Variants in FBXO10 observed in about 807,000 individuals in gnomAD.
The protein encoded by FBXO10 is F-box protein 10.
FBXO10 carries 39 observed loss-of-function variants against 80.7 expected under a neutral mutation model. That is an observed-to-expected ratio of 0.48 (90% CI 0.37 to 0.63). FBXO10 has a LOEUF of 0.63. Among genes scored for constraint, FBXO10 ranks in the 30% least tolerant of loss-of-function variants. The pLI, the probability that FBXO10 is intolerant of heterozygous loss-of-function variation, is 0.00. For missense variants in FBXO10, 1,025 were observed against 1,269.0 expected, an observed-to-expected ratio of 0.81 and a Z score of 2.92; for synonymous variants, 449 against 489.6, an observed-to-expected ratio of 0.92 and a Z score of 1.09.
At chr9:37,520,531 T>C (rs544333898) in intron 8 of FBXO10, among the ~76,000 whole-genome samples, 56 of 143,530 alleles carry the variant, frequency 3.9e-4, no homozygotes, top group Non-Finnish European at 4.9e-4. Flanking sequence ...TCTTTTTTTT[T>C]TTTTTTTTTT....
intron 8 of FBXO10, among the ~76,000 whole-genome samples, chr9:37,519,160 C>T (rs986477572): frequency 3.9e-5 from 6 of 152,190 alleles, no homozygotes; most frequent in African/African-American, 1.4e-4. Flanking sequence ...CCACCTGCCT[C>T]GGCCTCCCAA....
chr9:37,561,854 G>A (rs1454415531), intron 1 of FBXO10, among the ~76,000 whole-genome samples: 1 of 152,236 alleles, frequency 6.6e-6, no homozygotes, highest in African/African-American at 2.4e-5. Flanking sequence ...GGTTGTCAAG[G>A]AAGGTCTCTG....
chr9:37,544,678 T>C (rs1822007496), intron 1 of FBXO10, among the ~76,000 whole-genome samples: 1 of 152,126 alleles, frequency 6.6e-6, no homozygotes, highest in Non-Finnish European at 1.5e-5. Flanking sequence ...TCTTCTCTAA[T>C]GATCACCAGC....
At chr9:37,560,292 C>A (rs1354342079) in intron 1 of FBXO10, among the ~76,000 whole-genome samples, 5 of 152,130 alleles carry the variant, frequency 3.3e-5, no homozygotes, top group Non-Finnish European at 7.4e-5. Flanking sequence ...GGATTTGGGG[C>A]CAAGCCACCT....
chr9:37,517,443 C>T (rs145282881), intron 9 of FBXO10, among the ~76,000 whole-genome samples: 27 of 139,282 alleles, frequency 1.9e-4, no homozygotes, highest in Non-Finnish European at 1.8e-4. Context: ...TGAAACGGAG[C>T]TCTGCATAGA....
rs762695249 is a variant in FBXO10 at position 37,521,550 on chromosome 9, G to A, written c.2200+19C>T. ...AGCCATGGAAGGTTCTTGAGCAGGG[G>A]CTGAGGGGGTATACTCACCTCCATT... On this transcript the variant is annotated intron_variant, in intron 8 of 10. Transcript: ENST00000432825. 4.5e-6 allele frequency: 7 copies of A among 1,570,382 alleles called. No individual in the cohort carries two copies. In the Admixed American group the frequency reaches 1.2e-4, roughly 27 times the overall value.
intron 1 of FBXO10, among the ~76,000 whole-genome samples, chr9:37,552,501 G>T (rs900722010): frequency 6.6e-6 from 1 of 152,070 alleles, no homozygotes; most frequent in African/African-American, 2.4e-5. Context: ...GGCTGACACG[G>T]TGAAACCCCG....
chr9:37,552,079 G>T (rs1225257388), intron 1 of FBXO10, among the ~76,000 whole-genome samples: 1 of 152,166 alleles, frequency 6.6e-6, no homozygotes, highest in Non-Finnish European at 1.5e-5. Flanking sequence ...TTCTGTCTGA[G>T]ACCTCATCAG....
chr9:37,573,058 C>T (rs1822800493), intron 1 of FBXO10, among the ~76,000 whole-genome samples: 1 of 152,032 alleles, frequency 6.6e-6, no homozygotes, highest in African/African-American at 2.4e-5. Flanking sequence ...GAGTAGGCAC[C>T]CAAAGTCCTG....
chr9:37,530,180 T>C (rs1436957468), intron 4 of FBXO10, among the ~76,000 whole-genome samples: 1 of 152,254 alleles, frequency 6.6e-6, no homozygotes, highest in African/African-American at 2.4e-5. Flanking sequence ...AGTCCAATTC[T>C]ATACTTTGTA....
At chr9:37,576,168 G>C (rs1422557169) in intron 1 of FBXO10, 43 bp downstream of exon 1, 1 of 152,234 alleles carries the variant, frequency 6.6e-6, no homozygotes, top group Non-Finnish European at 1.5e-5. Context: ...CCCTCCCCCG[G>C]CCGCCCAAGT....
chr9:37,562,536 T>A (rs1373999364), intron 1 of FBXO10, among the ~76,000 whole-genome samples: 1 of 152,176 alleles, frequency 6.6e-6, no homozygotes, highest in Non-Finnish European at 1.5e-5. Flanking sequence ...TTATTGTCTG[T>A]CTCCCCTGAG....
intron 1 of FBXO10, among the ~76,000 whole-genome samples, chr9:37,561,248 T>C (rs1328112087): frequency 6.7e-6 from 1 of 150,224 alleles, no homozygotes; most frequent in African/African-American, 2.5e-5. Context: ...GGCAGGATCA[T>C]AGCTCACTGC....
chr9:37,515,829 T>C, intron 10 of FBXO10, 75 bp downstream of exon 10: 5 of 1,493,886 alleles, frequency 3.3e-6, no homozygotes, highest in Non-Finnish European at 4.6e-6. Context: ...CCACAATCCC[T>C]GGGTGTGGGC....
At chr9:37,571,952 T>C (rs1212275250) in intron 1 of FBXO10, among the ~76,000 whole-genome samples, 1 of 150,834 alleles carries the variant, frequency 6.6e-6, no homozygotes, top group Non-Finnish European at 1.5e-5. Flanking sequence ...CTGGAAAATA[T>C]GGCAAGACCT....
At chr9:37,517,219 G>A (rs996808937) in intron 9 of FBXO10, among the ~76,000 whole-genome samples, 2 of 152,126 alleles carry the variant, frequency 1.3e-5, no homozygotes, top group Non-Finnish European at 2.9e-5. Context: ...GGGGAAGGGT[G>A]GGAGCAGGGT....
At chr9:37,518,846 G>A (rs1821253136) in intron 8 of FBXO10, among the ~76,000 whole-genome samples, 2 of 152,152 alleles carry the variant, frequency 1.3e-5, no homozygotes, top group Admixed American at 6.5e-5. Flanking sequence ...ACTCATTAGA[G>A]GGTTTTGCTT....
At chr9:37,563,682 G>A (rs555122963) in intron 1 of FBXO10, among the ~76,000 whole-genome samples, 6 of 152,310 alleles carry the variant, frequency 3.9e-5, no homozygotes, top group Admixed American at 1.3e-4. Flanking sequence ...CCCTCCCCTA[G>A]AGATCTGTGG....
intron 5 of FBXO10, among the ~76,000 whole-genome samples, chr9:37,527,963 A>T (rs1033156723): frequency 6.6e-6 from 1 of 152,216 alleles, no homozygotes; most frequent in East Asian, 1.9e-4. Flanking sequence ...GGCATATCGA[A>T]ATACTGGAAT....
Sources: gnomAD v4.1 joint callset for allele counts (sites outside exome capture counted in the v4.1 genomes callset) on GRCh38, gnomAD v4.1.1 for gene constraint, MANE v1.5 for transcripts, NCBI Gene and HGNC (gene_info 2026-07-23, HGNC 2026-07-21) for gene names.